The following FMN1 variants were observed in gnomAD, a reference collection of about 807,000 sequenced individuals.
The protein encoded by FMN1 is formin-1.
FMN1 carries 110 observed loss-of-function variants against 132.4 expected under a neutral mutation model. That is an observed-to-expected ratio of 0.83 (90% CI 0.71 to 0.97). The LOEUF (loss-of-function observed/expected upper bound fraction) is 0.97. FMN1 is among the 50% of genes least tolerant of loss of function. FMN1 has a pLI of 0.00. For missense variants in FMN1, 1,792 were observed against 1,705.3 expected, an observed-to-expected ratio of 1.05 and a Z score of -0.90; for synonymous variants, 722 against 651.7, an observed-to-expected ratio of 1.11 and a Z score of -1.64.
intron 16 of FMN1, among the ~76,000 whole-genome samples, chr15:32,887,786 C>A (rs1317776263): frequency 1.3e-5 from 2 of 152,188 alleles, no homozygotes; most frequent in Admixed American, 1.3e-4. Flanking sequence ...AACTTAACTT[C>A]TCTAAGCCTC....
Position 33,186,827 on chromosome 15 carries a change from G to C in FMN1, c.-196-6565C>G, listed in dbSNP as rs562447382. Reference sequence around the variant, plus strand: ...CCAAGAGTTGGAAGAAGAGAAAGCAGAGGCTTCCAGTGGCCTCCTGCATCA... The same window carrying C: ...CCAAGAGTTGGAAGAAGAGAAAGCACAGGCTTCCAGTGGCCTCCTGCATCA... On this transcript the variant is annotated intron_variant, in intron 2 of 20. Coordinates refer to ENST00000616417, the MANE Select transcript of FMN1 (RefSeq NM_001277313.2). Among the ~76,000 whole-genome samples, 19 of 152,374 alleles carry C rather than the reference G, an allele frequency of 1.2e-4. No homozygotes were observed. In the South Asian group the frequency reaches 3.9e-3, roughly 32 times the overall value.
At chr15:32,918,564 T>C (rs1399785017) in intron 10 of FMN1, among the ~76,000 whole-genome samples, 4 of 152,216 alleles carry the variant, frequency 2.6e-5, no homozygotes, top group Non-Finnish European at 2.9e-5. Flanking sequence ...AGGCATGTAC[T>C]ATGCCTCAAG....
intron 6 of FMN1, among the ~76,000 whole-genome samples, chr15:33,057,131 G>A (rs1486358580): frequency 6.6e-6 from 1 of 152,118 alleles, no homozygotes; most frequent in Non-Finnish European, 1.5e-5. Context: ...GAGCTGAGAT[G>A]GCACCACTGT....
At chr15:33,070,386 CTT>C (rs34096484) in intron 5 of FMN1, among the ~76,000 whole-genome samples, 39,603 of 134,170 alleles carry the variant, frequency 0.3, 5,768 homozygotes, top group Admixed American at 0.35. Flanking sequence ...CGTATTTGGT[CTT>C]TTTTTTTTTT....
At chr15:32,858,779 AT>A (rs892092758) in intron 16 of FMN1, among the ~76,000 whole-genome samples, 26 of 152,052 alleles carry the variant, frequency 1.7e-4, no homozygotes, top group African/African-American at 5.8e-4. Flanking sequence ...TTTTTTCCAC[AT>A]TTTTTTCCTT....
chr15:33,076,744 T>A (rs1031560619), intron 5 of FMN1, among the ~76,000 whole-genome samples: 1 of 152,186 alleles, frequency 6.6e-6, no homozygotes, highest in East Asian at 1.9e-4. Context: ...AATGTTTCTT[T>A]TCATGACAAT....
intron 5 of FMN1, among the ~76,000 whole-genome samples, chr15:33,075,642 T>C (rs908565323): frequency 6.6e-6 from 1 of 152,156 alleles, no homozygotes; most frequent in Non-Finnish European, 1.5e-5. Flanking sequence ...AGCTCCAACA[T>C]GATTTTTAAA....
intron 6 of FMN1, among the ~76,000 whole-genome samples, chr15:33,059,236 T>G (rs575128884): frequency 6.6e-6 from 1 of 152,062 alleles, no homozygotes; most frequent in Non-Finnish European, 1.5e-5. Context: ...CCCACCCTTT[T>G]AAGGCTGATT....
At chr15:32,915,398 A>C (rs141972659) in intron 10 of FMN1, among the ~76,000 whole-genome samples, 1 of 152,360 alleles carries the variant, frequency 6.6e-6, no homozygotes, top group Admixed American at 6.5e-5. Flanking sequence ...AGCCCAATTA[A>C]TTAGTTAACT....
At position 32,767,479 on chromosome 15, in the gene FMN1, A is replaced by G. The variant is rs1275229698; in HGVS notation, c.*6831T>C. On this transcript the variant is annotated 3_prime_UTR_variant, in exon 21 of 21. Transcript: ENST00000616417. ...GGCCAAAGCACGATCCCCTAAATCA[A>G]AGTCCAAGGCCACCCTGCTTGCCAT... The G allele has an allele frequency of 6.6e-6, 1 of 152,206 alleles. No homozygotes were observed. 9.4% of individuals were successfully genotyped at this position (152,206 alleles called of 1,614,324 possible).
At chr15:32,848,083 A>C (rs372845434) in intron 17 of FMN1, among the ~76,000 whole-genome samples, 2 of 152,198 alleles carry the variant, frequency 1.3e-5, no homozygotes, top group African/African-American at 4.8e-5. Flanking sequence ...TGTAATGAAG[A>C]GCCCAAATGA....
chr15:33,175,327 C>G (rs1394835966), intron 3 of FMN1, among the ~76,000 whole-genome samples: 1 of 152,120 alleles, frequency 6.6e-6, no homozygotes, highest in Non-Finnish European at 1.5e-5. Flanking sequence ...CCTTGGCCTC[C>G]CAAAGTGCTA....
intron 18 of FMN1, 28 bp downstream of exon 18, chr15:32,804,253 G>T (rs779684462): frequency 1.8e-5 from 27 of 1,525,984 alleles, no homozygotes; most frequent in Non-Finnish European, 2.4e-5. Flanking sequence ...GTCAAAGAAA[G>T]AACTGGGGCC....
At chr15:32,878,702 A>G (rs2059694048) in intron 16 of FMN1, among the ~76,000 whole-genome samples, 3 of 152,208 alleles carry the variant, frequency 2.0e-5, no homozygotes, top group Admixed American at 6.5e-5. Flanking sequence ...GGATACTGAA[A>G]TGTCAGGGAT....
intron 17 of FMN1, among the ~76,000 whole-genome samples, chr15:32,853,153 T>TAGAAGCACTCAGTAAAA (rs1319765623): frequency 1.3e-5 from 2 of 152,236 alleles, no homozygotes; most frequent in Non-Finnish European, 2.9e-5. Context: ...ATTTAGCAGA[T>TAGAAGCACTCAGTAAAA]AGAAGCACTC....
intron 4 of FMN1, among the ~76,000 whole-genome samples, chr15:33,113,493 T>C (rs1405265493): frequency 2.0e-5 from 3 of 152,184 alleles, no homozygotes; most frequent in East Asian, 3.9e-4. Context: ...TAGACAATTA[T>C]GCAGCCTCTT....
intron 4 of FMN1, among the ~76,000 whole-genome samples, chr15:33,127,046 G>A (rs1021710792): frequency 5.3e-5 from 8 of 151,714 alleles, no homozygotes; most frequent in Non-Finnish European, 8.9e-5. Context: ...GTTGCAAAAA[G>A]ACATATTAAG....
In FMN1 at chr15:33,153,158, C is replaced by G; in HGVS notation, c.1757G>C (p.Ser586Thr). ...SAKVTETKGASPAFLRAGQPR... is the reference protein window; with the variant it reads ...SAKVTETKGATPAFLRAGQPR... The stretch of plus-strand genomic sequence containing the variant: ...TTGGCCTGCTCTGAGGAAGGCCGGG[C>G]TGGCTCCTTTGGTCTCCGTGACCTT... The change falls in exon 4 of 21, where the codon AGC becomes ACC. Residue 586 changes from serine (S) to threonine (T), a missense_variant. Coordinates refer to ENST00000616417, the MANE Select transcript of FMN1 (RefSeq NM_001277313.2). 6.5e-7 allele frequency: 1 copy of G among 1,536,174 alleles called. No individual in the cohort carries two copies. Among genetic ancestry groups the G allele is most frequent in the Non-Finnish European group, 8.7e-7 (1 of 1,146,924 alleles).
intron 5 of FMN1, among the ~76,000 whole-genome samples, chr15:33,070,566 C>A (rs1177850826): frequency 6.6e-6 from 1 of 152,034 alleles, no homozygotes; most frequent in Non-Finnish European, 1.5e-5. Flanking sequence ...GTTTCAGTAT[C>A]CCCTCAATAC....
Sources: allele counts gnomAD v4.1 joint callset (sites outside exome capture counted in the v4.1 genomes callset), GRCh38; gene constraint gnomAD v4.1.1; transcripts MANE v1.5; gene names NCBI Gene and HGNC (gene_info 2026-07-23, HGNC 2026-07-21).